The following NECTIN4 variants were observed in gnomAD, a reference collection of about 807,000 sequenced individuals.
NECTIN4 encodes nectin-4.
In NECTIN4, 19 loss-of-function variants were observed where a neutral mutation model predicts 51.7. That is an observed-to-expected ratio of 0.37 (90% CI 0.26 to 0.54). The LOEUF is 0.54. Among genes scored for constraint, NECTIN4 ranks in the 20% least tolerant of loss-of-function variants. The probability of loss-of-function intolerance (pLI) is 0.86; values close to 1 mark genes in which losing one functional copy is unlikely to be tolerated. For missense variants in NECTIN4, 619 were observed against 662.4 expected, an observed-to-expected ratio of 0.93 and a Z score of 0.72; for synonymous variants, 283 against 286.9, an observed-to-expected ratio of 0.99 and a Z score of 0.14.
Position 161,072,674 on chromosome 1 carries a change from C to A in NECTIN4, c.1520G>T (p.Gly507Val). The A allele has an allele frequency of 1.9e-6, 3 of 1,614,148 alleles. No individual in the cohort carries two copies. Among genetic ancestry groups the A allele is most frequent in the Non-Finnish European group, 2.5e-6 (3 of 1,179,968 alleles). ...GGCAGGCCTGGGTCAGACCAGGTGT[C>A]CCCGCCCATTGATGTAGATGCCATT... Reference protein sequence around the residue: ...TGNGIYINGRGHLV With the variant: ...TGNGIYINGRVHLV The change falls in exon 9 of 9, where the codon GGA (glycine) becomes GTA (valine). Residue 507 changes from glycine to valine, a missense_variant. By Grantham distance (109) the Gly-to-Val change is moderately radical. This residue lies in a region of NECTIN4 where 364 missense variants were observed against 415.7 expected (regional missense o/e 0.88). Transcript: ENST00000368012.
At position 161,073,272 on chromosome 1, in the gene NECTIN4, C is replaced by G. The variant is rs558365881; in HGVS notation, c.1261G>C (p.Glu421Gln). 1.9e-6 allele frequency: 3 copies of G among 1,613,986 alleles called. No homozygotes were observed. Among genetic ancestry groups the G allele is most frequent in the Non-Finnish European group, 2.5e-6 (3 of 1,179,988 alleles). ...TCCTTGAGACTATCAGGGTGGCCCTCGGCTCTCAGCCCTACACTCTCCTCC... is the reference window on the plus strand; with the variant it reads ...TCCTTGAGACTATCAGGGTGGCCCTGGGCTCTCAGCCCTACACTCTCCTCC... ...QPEESVGLRA[E>Q]GHPDSLKDNS... Residue 421 changes from glutamate (E) to glutamine (Q), a missense_variant, in exon 8 of 9, where the codon GAG (glutamate) becomes CAG (glutamine). By Grantham distance (29) the Glu-to-Gln change is conservative. This residue lies in a region of NECTIN4 where 364 missense variants were observed against 415.7 expected (regional missense o/e 0.88). Transcript: ENST00000368012.
chr1:161,073,662 C>T (rs1364607266), intron 7 of NECTIN4, 58 bp downstream of exon 7: 6 of 1,421,236 alleles, frequency 4.2e-6, no homozygotes, highest in Admixed American at 3.3e-5. Context: ...GGCCCAGGCA[C>T]AAGCAGACCC....
Position 161,089,158 on chromosome 1 carries a change from G to A in NECTIN4, c.79+60C>T. ...CGTGTGTGTCTATGTGTTTGTGCAT[G>A]TGTGTCAGTGCCAGGTTGGGCTCAG... On this transcript the variant is annotated intron_variant, in intron 1 of 8. Transcript: ENST00000368012. The surrounding 1 kb of genome is among the most constrained non-coding windows in gnomAD (Gnocchi z 4.1). 3 of 1,444,412 alleles carry A rather than the reference G, an allele frequency of 2.1e-6. No individual in the cohort carries two copies. The South Asian group carries it at 3.4e-5, about 16-fold the overall frequency. The allele number at this position is 1,444,412 out of a possible 1,614,324, so 89.5% of individuals were successfully genotyped here. A position where few individuals can be genotyped will look rare whatever the true frequency, so the allele number is the denominator to read the frequency against.
chr1:161,088,792 A>C (rs1654061166), intron 1 of NECTIN4, among the ~76,000 whole-genome samples: 1 of 152,108 alleles, frequency 6.6e-6, no homozygotes, highest in Non-Finnish European at 1.5e-5. Context: ...AAACCAGCTG[A>C]GCTCTGAGTC....
intron 3 of NECTIN4, among the ~76,000 whole-genome samples, 162 bp downstream of exon 3, chr1:161,077,291 C>T (rs545983798): frequency 6.6e-6 from 1 of 151,962 alleles, no homozygotes; most frequent in South Asian, 2.1e-4. Flanking sequence ...CCTCTGGGAT[C>T]GGGCTCCAGG....
In NECTIN4 at chr1:161,073,014, G is replaced by A. The variant is rs937919578; in HGVS notation, c.1309-129C>T. Reference sequence around the variant, plus strand: ...GGGTAACGGTTGCCTCAGAAGCATAGGGGCCCAGAGATCGGGGACCAGGAA... The same window carrying A: ...GGGTAACGGTTGCCTCAGAAGCATAAGGGCCCAGAGATCGGGGACCAGGAA... On this transcript the variant is annotated intron_variant, in intron 8 of 8. Coordinates refer to ENST00000368012, the MANE Select transcript of NECTIN4 (RefSeq NM_030916.3). 1.1e-5 allele frequency: 11 copies of A among 996,708 alleles called. No individual in the cohort carries two copies. In the African/African-American group the frequency reaches 1.6e-4, roughly 14 times the overall value. 61.7% of individuals were successfully genotyped at this position (996,708 alleles called of 1,614,324 possible). A position where few individuals can be genotyped will look rare whatever the true frequency, so the allele number is the denominator to read the frequency against.
rs1653161505 is a variant in NECTIN4 at position 161,071,476 on chromosome 1, T to C, written c.*1185A>G. ...CAATTCCCTAAGGTATCACAAACAA[T>C]GGTGGATGCAATTTTACCTTACTCA... is the stretch of plus-strand genomic sequence containing the variant. On this transcript the variant is annotated 3_prime_UTR_variant, in exon 9 of 9. Transcript: ENST00000368012. 1 of 152,100 alleles carries C rather than the reference T, an allele frequency of 6.6e-6. No individual in the cohort carries two copies. The highest frequency in any genetic ancestry group is 2.1e-4 in the South Asian group (1 of 4,826). The allele number at this position is 152,100 out of a possible 1,614,324, so 9.4% of individuals were successfully genotyped here.
chr1:161,071,159 A>T lies in NECTIN4; in HGVS notation c.*1502T>A, dbSNP rs960560333. Reference sequence around the variant, plus strand: ...GATGGGAGCCTCTCCCTTAGGCCAGAAATCCAGCAGATTTCAGACTAAGAA... The same window carrying T: ...GATGGGAGCCTCTCCCTTAGGCCAGTAATCCAGCAGATTTCAGACTAAGAA... On this transcript the variant is annotated 3_prime_UTR_variant, in exon 9 of 9. Coordinates refer to ENST00000368012, the MANE Select transcript of NECTIN4 (RefSeq NM_030916.3). 6.6e-6 allele frequency: 1 copy of T among 152,174 alleles called. No homozygotes were observed. Among genetic ancestry groups the T allele is most frequent in the Non-Finnish European group, 1.5e-5 (1 of 68,028 alleles). The allele number at this position is 152,174 out of a possible 1,614,324, so 9.4% of individuals were successfully genotyped here.
intron 1 of NECTIN4, among the ~76,000 whole-genome samples, chr1:161,086,404 C>T (rs1653947621): frequency 6.6e-6 from 1 of 152,200 alleles, no homozygotes. Context: ...CAGGAAAGGG[C>T]CTGCCCCCCT....
chr1:161,077,756 A>G lies in NECTIN4; in HGVS notation c.440-13T>C, dbSNP rs753125937. On this transcript the variant is annotated splice_polypyrimidine_tract_variant and intron_variant, in intron 2 of 8. Transcript: ENST00000368012. ...GGCAGGGGAGGCACTGCAAATGGGG[A>G]AAGGCAGGGGTCACAGGTCTACACA... The G allele has an allele frequency of 6.2e-7, 1 of 1,602,802 alleles. No homozygotes were observed.
rs200074806 is a variant in NECTIN4 at position 161,077,489 on chromosome 1, G to T, written c.694C>A (p.Gln232Lys). ...AGGATGTGGGTGATCCTTTGGTCCT[G>T]GAGCAGGCCAGGATGGGACACCACA... ...TCVVSHPGLL[Q>K]DQRITHILHV... Residue 232 changes from glutamine to lysine, a missense_variant, in exon 3 of 9, where the codon CAG (glutamine) becomes AAG (lysine). Gln to Lys is a moderately conservative substitution (Grantham distance 53). Around this residue, in one of 3 missense-constraint regions of NECTIN4, gnomAD observed 364 missense variants for 415.7 expected, o/e 0.88. Coordinates refer to ENST00000368012, the MANE Select transcript of NECTIN4 (RefSeq NM_030916.3). 27 of 1,614,144 alleles carry T rather than the reference G, an allele frequency of 1.7e-5. No homozygotes were observed. The highest frequency in any genetic ancestry group is 2.3e-5 in the Non-Finnish European group (27 of 1,180,034).
At chr1:161,080,953 C>G (rs1024269429) in intron 1 of NECTIN4, among the ~76,000 whole-genome samples, 6 of 152,146 alleles carry the variant, frequency 3.9e-5, no homozygotes, top group Non-Finnish European at 7.3e-5. Flanking sequence ...TACAGGCCAA[C>G]TGTGGGATGG....
chr1:161,077,423 G>A, intron 3 of NECTIN4, 30 bp downstream of exon 3: 2 of 1,613,392 alleles, frequency 1.2e-6, no homozygotes, highest in Non-Finnish European at 8.5e-7. Context: ...AACCCCTTGG[G>A]CCTCCCTACC....
At chr1:161,074,551 G>A in intron 5 of NECTIN4, 60 bp downstream of exon 5, 1 of 1,603,574 alleles carries the variant, frequency 6.2e-7, no homozygotes, top group Non-Finnish European at 8.5e-7. Context: ...CTTGCTTCCT[G>A]CTGCCCCCAC....
rs528491812 is a variant in NECTIN4 at position 161,074,491 on chromosome 1, C to A, written c.1001-118G>T. 19 of 1,576,944 alleles carry A rather than the reference C, an allele frequency of 1.2e-5. No homozygotes were observed. The Admixed American group carries it at 3.0e-4, about 25-fold the overall frequency. On this transcript the variant is annotated intron_variant, in intron 5 of 8. Transcript: ENST00000368012. Reference sequence around the variant, plus strand: ...CCTCAGTTTGATTCTCTGCAAGACACACAGCCCAGCCCCCTCTGAATAAAC... The same window carrying A: ...CCTCAGTTTGATTCTCTGCAAGACAAACAGCCCAGCCCCCTCTGAATAAAC...
In NECTIN4 at chr1:161,077,611, G is replaced by C. The variant is rs750056815; in HGVS notation, c.572C>G (p.Thr191Arg). ...VTWDTEVKGTTSSRSFKHSRS... is the reference protein window; with the variant it reads ...VTWDTEVKGTRSSRSFKHSRS... ...GGAGTGCTTGAAGGAACGGCTGGAC[G>C]TTGTGCCTTTGACCTCCGTGTCCCA... Residue 191 changes from threonine (T) to arginine (R), a missense_variant, in exon 3 of 9, where the codon ACG (threonine) becomes AGG (arginine). Thr to Arg is a moderately conservative substitution (Grantham distance 71). Transcript: ENST00000368012. 25 of 1,613,820 alleles carry C rather than the reference G, an allele frequency of 1.5e-5. No individual in the cohort carries two copies. The East Asian group carries it at 3.1e-4, about 20-fold the overall frequency.
Position 161,089,401 on chromosome 1 carries a change from A to G in NECTIN4, c.-105T>C. 9.1e-7 allele frequency: 1 copy of G among 1,102,370 alleles called. No homozygotes were observed. The allele number at this position is 1,102,370 out of a possible 1,614,324, so 68.3% of individuals were successfully genotyped here. On this transcript the variant is annotated 5_prime_UTR_variant, in exon 1 of 9. Transcript: ENST00000368012. The surrounding 1 kb of genome is among the most constrained non-coding windows in gnomAD (Gnocchi z 4.1). ...ACTGACCCAGAAGGCAGGAAGCTGC[A>G]GAGTTCTTGCCTCTCGCACTTGGGT...
rs1653215868 is a variant in NECTIN4, at chr1:161,072,452, C to T, written c.*209G>A. ...ACACTCACACAGGCACACATGCACA[C>T]ACACAGTGACCTGCATGCATGGTGG... On this transcript the variant is annotated 3_prime_UTR_variant, in exon 9 of 9. Transcript: ENST00000368012. 3.6e-5 allele frequency: 23 copies of T among 633,490 alleles called. No homozygotes were observed. In the South Asian group the frequency reaches 4.1e-4, roughly 11 times the overall value. The allele number at this position is 633,490 out of a possible 1,614,324, so 39.2% of individuals were successfully genotyped here. A position where few individuals can be genotyped will look rare whatever the true frequency, so the allele number is the denominator to read the frequency against.
chr1:161,079,653 C>T lies in NECTIN4; in HGVS notation c.376G>A (p.Glu126Lys). 1 of 1,605,996 alleles carries T rather than the reference C, an allele frequency of 6.2e-7. No individual in the cohort carries two copies. The highest frequency in any genetic ancestry group is 1.1e-5 in the South Asian group (1 of 91,038). ...NAVQADEGEY[E>K]CRVSTFPAGS... Reference sequence around the variant, plus strand: ...GCGGGGAAGGTGCTGACCCGGCACTCGTACTCGCCCTCATCCGCCTGCACT... The same window carrying T: ...GCGGGGAAGGTGCTGACCCGGCACTTGTACTCGCCCTCATCCGCCTGCACT... The change falls in exon 2 of 9, where the codon GAG (glutamate) becomes AAG (lysine). Residue 126 changes from glutamate to lysine, a missense_variant. By Grantham distance (56) the Glu-to-Lys change is moderately conservative. Around this residue, in one of 3 missense-constraint regions of NECTIN4, gnomAD observed 218 missense variants for 186.3 expected, o/e 1.17. Transcript: ENST00000368012.
Sources: gnomAD v4.1 joint callset for allele counts (sites outside exome capture counted in the v4.1 genomes callset) on GRCh38, gnomAD v4.1.1 for gene constraint, gnomAD v4.1.1 regional missense constraint, Gnocchi (gnomAD v3.1) non-coding constraint, MANE v1.5 for transcripts, NCBI Gene and HGNC (gene_info 2026-07-23, HGNC 2026-07-21) for gene names.